ADAMTS2: variants seen among roughly 807,000 people sequenced by gnomAD.
ADAMTS2 encodes the protein ADAM metallopeptidase with thrombospondin type 1 motif 2.
A neutral mutation model predicts 123.0 loss-of-function variants in ADAMTS2; 50 were observed. The observed-to-expected ratio is 0.41, with a 90% confidence interval of 0.32 to 0.51. The LOEUF (loss-of-function observed/expected upper bound fraction) is 0.51, where lower values mean the gene tolerates loss of function less well. Ranked by LOEUF, ADAMTS2 falls within the 20% of genes least tolerant of loss-of-function variation. The pLI is 0.35. For missense variants in ADAMTS2, 1,494 were observed against 1,705.2 expected (o/e 0.88, Z 2.18); for synonymous variants, 678 against 695.4 (o/e 0.98, Z 0.39).
intron 2 of ADAMTS2, among the ~76,000 whole-genome samples, chr5:179,300,900 G>A (rs771291858): frequency 3.9e-5 from 6 of 152,150 alleles, no homozygotes; most frequent in African/African-American, 2.4e-5. Flanking sequence ...TCATCTACGC[G>A]GAGCCAGAAG....
At position 179,158,584 on chromosome 5, in the gene ADAMTS2, T is replaced by A; in HGVS notation, c.1132+139A>T. 1.8e-6 allele frequency: 2 copies of A among 1,103,242 alleles called. No homozygotes were observed. The highest frequency in any genetic ancestry group is 2.7e-6 in the Non-Finnish European group (2 of 740,938). 68.3% of individuals were successfully genotyped at this position (1,103,242 alleles called of 1,614,324 possible). ...TCCATCAGTGCACTGCCCCACACCC[T>A]CACCCAGCTAAGGTGGCCACGGCCT... On this transcript the variant is annotated intron_variant, in intron 6 of 21. Transcript: ENST00000251582. This position sits in a 1 kb window ranked among gnomAD's most constrained non-coding sequence, Gnocchi z 5.0.
chr5:179,195,817 C>T (rs1450457097), intron 4 of ADAMTS2, among the ~76,000 whole-genome samples: 2 of 152,238 alleles, frequency 1.3e-5, no homozygotes, highest in African/African-American at 4.8e-5. Context: ...GGAACAGAAA[C>T]AGTGCCAGCA....
chr5:179,281,151 C>G (rs189394042), intron 2 of ADAMTS2, among the ~76,000 whole-genome samples: 1 of 152,340 alleles, frequency 6.6e-6, no homozygotes, highest in East Asian at 1.9e-4. Context: ...AGCCATGGCG[C>G]CCGGCCAGTT....
chr5:179,315,475 G>C (rs1468994627), intron 2 of ADAMTS2, among the ~76,000 whole-genome samples: 1 of 152,216 alleles, frequency 6.6e-6, no homozygotes, highest in Non-Finnish European at 1.5e-5. Flanking sequence ...GCCATCTCTG[G>C]GGACTTTCCT....
chr5:179,178,266 C>A (rs953561432), intron 5 of ADAMTS2, among the ~76,000 whole-genome samples: 6 of 97,966 alleles, frequency 6.1e-5, no homozygotes, highest in East Asian at 4.7e-4. Context: ...AAGATCCCCC[C>A]CGCACCTCCC....
chr5:179,243,993 T>C (rs750154175), intron 3 of ADAMTS2, among the ~76,000 whole-genome samples: 1 of 151,716 alleles, frequency 6.6e-6, no homozygotes, highest in Non-Finnish European at 1.5e-5. Context: ...GAAAAAAGAA[T>C]GAAGAAAAGT....
Position 179,262,470 on chromosome 5 carries a change from C to T in ADAMTS2, c.688+10441G>A, listed in dbSNP as rs994328225. ...ATGAATTCTCACCCCGTACCGTGACCGTCCCTTCAAAGCGATGAGTGCCAC... is the reference window on the plus strand; with the variant it reads ...ATGAATTCTCACCCCGTACCGTGACTGTCCCTTCAAAGCGATGAGTGCCAC... On this transcript the variant is annotated intron_variant, in intron 3 of 21. Coordinates refer to ENST00000251582, the MANE Select transcript of ADAMTS2 (RefSeq NM_014244.5). This position sits in a 1 kb window ranked among gnomAD's most constrained non-coding sequence, Gnocchi z 5.9. Among the ~76,000 whole-genome samples the T allele has an allele frequency of 2.6e-5, 4 of 152,194 alleles. No individual in the cohort carries two copies. Among genetic ancestry groups the T allele is most frequent in the Admixed American group, 1.3e-4 (2 of 15,294 alleles).
At chr5:179,137,667 C>G (rs544427862) in intron 12 of ADAMTS2, 102 bp downstream of exon 12, 2 of 1,468,452 alleles carry the variant, frequency 1.4e-6, no homozygotes, top group African/African-American at 2.8e-5. Flanking sequence ...CCCAGGGTCG[C>G]GGCAGCCTTG....
chr5:179,215,007 A>C (rs458272), intron 3 of ADAMTS2, among the ~76,000 whole-genome samples: 37,162 of 152,138 alleles, frequency 0.24, 4,599 homozygotes, highest in Admixed American at 0.27. Flanking sequence ...CATCCGGAAG[A>C]CCACACCAGA....
In ADAMTS2 at chr5:179,234,116, T is replaced by C. The variant is rs887983099; in HGVS notation, c.689-26401A>G. Among the ~76,000 whole-genome samples the C allele has an allele frequency of 1.3e-5, 2 of 152,088 alleles. No homozygotes were observed. Among genetic ancestry groups the C allele is most frequent in the African/African-American group, 4.8e-5 (2 of 41,398 alleles). Reference sequence around the variant, plus strand: ...TTCCTAATGTCCTCCCAGTAACTCTTCCTGGCTCAGGGCAGCTGGACTTCA... The same window carrying C: ...TTCCTAATGTCCTCCCAGTAACTCTCCCTGGCTCAGGGCAGCTGGACTTCA... On this transcript the variant is annotated intron_variant, in intron 3 of 21. Transcript: ENST00000251582. This position sits in a 1 kb window ranked among gnomAD's most constrained non-coding sequence, Gnocchi z 4.7.
chr5:179,314,882 C>A lies in ADAMTS2; in HGVS notation c.534+28885G>T, dbSNP rs1019803179. On this transcript the variant is annotated intron_variant, in intron 2 of 21. Coordinates refer to ENST00000251582, the MANE Select transcript of ADAMTS2 (RefSeq NM_014244.5). The surrounding 1 kb of genome is among the most constrained non-coding windows in gnomAD (Gnocchi z 4.5). ...ACATAGGAATGTCCCTTAGCATGGC[C>A]CGGGAGCCTCAAGCCCAGGGCCTAC... Among the ~76,000 whole-genome samples the A allele has an allele frequency of 1.3e-5, 2 of 152,078 alleles. No homozygotes were observed. The highest frequency in any genetic ancestry group is 6.5e-5 in the Admixed American group (1 of 15,284).
At chr5:179,164,057 G>A (rs1415518952) in intron 5 of ADAMTS2, among the ~76,000 whole-genome samples, 1 of 152,190 alleles carries the variant, frequency 6.6e-6, no homozygotes, top group Non-Finnish European at 1.5e-5. Flanking sequence ...ACCCCAAGAA[G>A]TAGAGGAGAG....
At chr5:179,299,091 G>A (rs554780667) in intron 2 of ADAMTS2, among the ~76,000 whole-genome samples, 1 of 152,100 alleles carries the variant, frequency 6.6e-6, no homozygotes, top group Admixed American at 6.5e-5. Context: ...GAGGGCAGAA[G>A]AGAGAGCAAC....
At chr5:179,196,635 C>T (rs931324212) in intron 4 of ADAMTS2, among the ~76,000 whole-genome samples, 6 of 152,220 alleles carry the variant, frequency 3.9e-5, no homozygotes, top group Non-Finnish European at 1.5e-5. Context: ...CAGTACTTCC[C>T]TAATACGTAC....
At chr5:179,252,498 T>C (rs970808680) in intron 3 of ADAMTS2, among the ~76,000 whole-genome samples, 5 of 152,238 alleles carry the variant, frequency 3.3e-5, no homozygotes, top group African/African-American at 1.2e-4. Flanking sequence ...AGTTGTATTT[T>C]TGAAGTTCCA....
At chr5:179,135,037 C>T (rs190881060) in intron 13 of ADAMTS2, among the ~76,000 whole-genome samples, 2 of 95,346 alleles carry the variant, frequency 2.1e-5, no homozygotes, top group South Asian at 4.2e-4. Flanking sequence ...CAGCTCCAGC[C>T]CCCAGCTCCC....
In ADAMTS2 at chr5:179,136,297, G is replaced by A. The variant is rs141195560; in HGVS notation, c.1952-255C>T. Reference sequence around the variant, plus strand: ...GCCAGCCAGGCTGTTGGTGCAGCCCGGCTCTCACATCCCCGAGGCCCCGCT... The same window carrying A: ...GCCAGCCAGGCTGTTGGTGCAGCCCAGCTCTCACATCCCCGAGGCCCCGCT... On this transcript the variant is annotated intron_variant, in intron 12 of 21. Coordinates refer to ENST00000251582, the MANE Select transcript of ADAMTS2 (RefSeq NM_014244.5). 4.3e-3 allele frequency among the ~76,000 whole-genome samples: 653 copies of A among 152,278 alleles called. 9 individuals carry two copies. The highest frequency in any genetic ancestry group is 0.015 in the African/African-American group (615 of 41,554).
intron 2 of ADAMTS2, among the ~76,000 whole-genome samples, chr5:179,330,049 C>T (rs1757439886): frequency 6.6e-6 from 1 of 150,730 alleles, no homozygotes. Context: ...TGGCGTGAAC[C>T]CGGGAAGCGG....
intron 13 of ADAMTS2, among the ~76,000 whole-genome samples, chr5:179,133,759 G>A (rs1219850590): frequency 1.3e-5 from 2 of 149,470 alleles, no homozygotes; most frequent in African/African-American, 5.0e-5. Flanking sequence ...TCGCTCTGTC[G>A]CCTAAGCTGG....
Sources: allele counts gnomAD v4.1 joint callset (sites outside exome capture counted in the v4.1 genomes callset), GRCh38; gene constraint gnomAD v4.1.1; non-coding constraint Gnocchi (gnomAD v3.1); transcripts MANE v1.5; gene names NCBI Gene and HGNC (gene_info 2026-07-23, HGNC 2026-07-21).